The following HNRNPC variants were observed in gnomAD, a reference collection of about 807,000 sequenced individuals.
HNRNPC encodes the protein heterogeneous nuclear ribonucleoproteins C1/C2.
In HNRNPC, 3 loss-of-function variants were observed where a neutral mutation model predicts 33.2. The observed-to-expected ratio is 0.09, with a 90% CI of 0.04 to 0.23. The LOEUF (loss-of-function observed/expected upper bound fraction) is 0.23. Among genes scored for constraint, HNRNPC ranks in the 10% least tolerant of loss-of-function variants. HNRNPC has a pLI of 1.00. For synonymous variants in HNRNPC, 121 were observed against 126.7 expected, an observed-to-expected ratio of 0.96 and a Z score of 0.30; for missense variants, 143 against 366.7, an observed-to-expected ratio of 0.39 and a Z score of 4.98.
At chr14:21,230,434 G>T in intron 4 of HNRNPC, 68 bp from the exon 5 acceptor site, 2 of 1,110,050 alleles carry the variant, frequency 1.8e-6, no homozygotes, top group South Asian at 1.3e-5. Context: ...TCAGGTGAGG[G>T]GAGAACCATG....
intron 5 of HNRNPC, among the ~76,000 whole-genome samples, chr14:21,223,511 G>A (rs146934846): frequency 6.6e-6 from 1 of 152,248 alleles, no homozygotes; most frequent in African/African-American, 2.4e-5. Context: ...CACTTTTGGA[G>A]GCCAAGGTGG....
At chr14:21,244,709 T>C (rs1347235092) in intron 2 of HNRNPC, among the ~76,000 whole-genome samples, 1 of 152,224 alleles carries the variant, frequency 6.6e-6, no homozygotes, top group Admixed American at 6.5e-5. Context: ...CGTAAGAGTG[T>C]AGTTACCCAA....
intron 2 of HNRNPC, chr14:21,234,853 A>T (rs1339675433): frequency 9.0e-6 from 1 of 111,044 alleles, no homozygotes; most frequent in East Asian, 3.1e-4. Context: ...TACTTCAATT[A>T]ATCTGCAGTA....
chr14:21,211,756 G>C (rs1396230882), intron 7 of HNRNPC, 54 bp downstream of exon 7: 3 of 1,503,778 alleles, frequency 2.0e-6, no homozygotes, highest in Non-Finnish European at 2.8e-6. Flanking sequence ...ACTTTCAAGT[G>C]CCTTATGTAA....
intron 2 of HNRNPC, among the ~76,000 whole-genome samples, chr14:21,237,918 TGCGCCACCAGGCCCG>T (rs1894897814): frequency 6.6e-6 from 1 of 152,150 alleles, no homozygotes; most frequent in African/African-American, 2.4e-5. Context: ...ATTACAGGCA[TGCGCCACCAGGCCCG>T]GCTAATTTTG....
chr14:21,239,212 T>C (rs943986129), intron 2 of HNRNPC, among the ~76,000 whole-genome samples: 1 of 152,212 alleles, frequency 6.6e-6, no homozygotes. Context: ...AGCAGTAGTT[T>C]AGTCACATTT....
At position 21,240,962 on chromosome 14, in the gene HNRNPC, T is replaced by C. The variant is rs182980540; in HGVS notation, c.-36-6733A>G. Among the ~76,000 whole-genome samples the C allele has an allele frequency of 5.7e-4, 87 of 152,222 alleles. 1 individual carries two copies. In the East Asian group the frequency reaches 0.016, roughly 28 times the overall value. On this transcript the variant is annotated intron_variant, in intron 2 of 8. Coordinates refer to ENST00000553300, the MANE Select transcript of HNRNPC (RefSeq NM_004500.4). Reference sequence around the variant, plus strand: ...CAAAACCCTGCCTTACAATTTCCTTTATTACTGTATCTTAAAACCTCAACT... The same window carrying C: ...CAAAACCCTGCCTTACAATTTCCTTCATTACTGTATCTTAAAACCTCAACT...
At chr14:21,248,103 C>T (rs1047567171) in intron 2 of HNRNPC, among the ~76,000 whole-genome samples, 4 of 152,070 alleles carry the variant, frequency 2.6e-5, no homozygotes, top group Non-Finnish European at 5.9e-5. Flanking sequence ...CTTTTGGAGG[C>T]TGAGGTGGGA....
intron 5 of HNRNPC, among the ~76,000 whole-genome samples, chr14:21,228,694 T>C (rs1487285746): frequency 1.3e-5 from 2 of 151,980 alleles, no homozygotes; most frequent in Non-Finnish European, 2.9e-5. Flanking sequence ...GCCCAGCTGA[T>C]TTTTATTTTT....
At chr14:21,254,931 AAC>A (rs1555359719) in intron 2 of HNRNPC, among the ~76,000 whole-genome samples, 2 of 150,694 alleles carry the variant, frequency 1.3e-5, no homozygotes, top group African/African-American at 5.0e-5. Flanking sequence ...TCAAAAAAAA[AAC>A]AAAAAAAAAA....
At chr14:21,220,061 A>G (rs1892650689) in intron 5 of HNRNPC, among the ~76,000 whole-genome samples, 1 of 152,144 alleles carries the variant, frequency 6.6e-6, no homozygotes, top group Admixed American at 6.6e-5. Flanking sequence ...ACAGCCACCC[A>G]TTATCTTTCT....
intron 5 of HNRNPC, among the ~76,000 whole-genome samples, chr14:21,217,326 T>C (rs1336447133): frequency 1.3e-5 from 2 of 152,218 alleles, no homozygotes; most frequent in Non-Finnish European, 2.9e-5. Context: ...ACCACAAACA[T>C]GCTGTCTTAG....
chr14:21,218,941 C>T (rs1448888704), intron 5 of HNRNPC, among the ~76,000 whole-genome samples: 1 of 151,436 alleles, frequency 6.6e-6, no homozygotes. Flanking sequence ...GAAACCCCAT[C>T]TCTACTAAAA....
intron 6 of HNRNPC, among the ~76,000 whole-genome samples, chr14:21,212,728 G>C (rs1891755128): frequency 6.6e-6 from 1 of 152,066 alleles, no homozygotes; most frequent in Admixed American, 6.6e-5. Context: ...ATTTTCGGTA[G>C]AGATGGGGTT....
At chr14:21,238,496 G>A (rs1277609051) in intron 2 of HNRNPC, among the ~76,000 whole-genome samples, 1 of 152,108 alleles carries the variant, frequency 6.6e-6, no homozygotes, top group Non-Finnish European at 1.5e-5. Flanking sequence ...TCACTACAAT[G>A]TACATACAAG....
intron 2 of HNRNPC, among the ~76,000 whole-genome samples, chr14:21,243,539 T>G (rs1047547205): frequency 7.2e-5 from 11 of 152,212 alleles, no homozygotes; most frequent in African/African-American, 2.7e-4. Flanking sequence ...AGATTACATC[T>G]TTTTTTCTGT....
At chr14:21,223,429 G>A (rs983711631) in intron 5 of HNRNPC, among the ~76,000 whole-genome samples, 1 of 151,934 alleles carries the variant, frequency 6.6e-6, no homozygotes, top group Non-Finnish European at 1.5e-5. Flanking sequence ...AATCTAAAAG[G>A]AATACTAAGA....
chr14:21,217,550 G>A (rs1279589153), intron 5 of HNRNPC, among the ~76,000 whole-genome samples: 3 of 152,054 alleles, frequency 2.0e-5, no homozygotes, highest in East Asian at 1.9e-4. Context: ...CACATTGTTG[G>A]GTTAGCCTTG....
chr14:21,261,840 C>T (rs1878300121), intron 2 of HNRNPC, among the ~76,000 whole-genome samples: 1 of 152,224 alleles, frequency 6.6e-6, no homozygotes, highest in Admixed American at 6.5e-5. Context: ...GAGTAAAATA[C>T]TACGGGTTGC....
Sources: gnomAD v4.1 joint callset for allele counts (sites outside exome capture counted in the v4.1 genomes callset) on GRCh38, gnomAD v4.1.1 for gene constraint, MANE v1.5 for transcripts, NCBI Gene and HGNC (gene_info 2026-07-23, HGNC 2026-07-21) for gene names.